Variants in NEGR1 observed in about 807,000 individuals in gnomAD.
NEGR1 encodes neuronal growth regulator 1.
Under a neutral mutation model 40.9 loss-of-function variants are expected in NEGR1, and 10 were observed. The observed-to-expected ratio is 0.24, with a 90% CI of 0.15 to 0.42. NEGR1 has a LOEUF of 0.42. NEGR1 is among the 10% of genes least tolerant of loss of function. NEGR1 has a pLI of 1.00. For missense variants in NEGR1, 352 were observed against 438.9 expected (o/e 0.80, Z 1.77); for synonymous variants, 185 against 166.8 (o/e 1.11, Z -0.84).
chr1:71,447,171 C>T (rs1346064347), intron 6 of NEGR1, among the ~76,000 whole-genome samples: 2 of 152,168 alleles, frequency 1.3e-5, no homozygotes, highest in South Asian at 2.1e-4. Flanking sequence ...CTCATAGGAG[C>T]GTGGAACCTA....
chr1:72,238,449 G>C (rs1654632610), intron 1 of NEGR1, among the ~76,000 whole-genome samples: 1 of 151,754 alleles, frequency 6.6e-6, no homozygotes, highest in Non-Finnish European at 1.5e-5. Context: ...CAATGTGTTA[G>C]GCTTATGACA....
intron 2 of NEGR1, among the ~76,000 whole-genome samples, chr1:71,831,601 T>G (rs553419875): frequency 6.6e-6 from 1 of 152,040 alleles, no homozygotes; most frequent in African/African-American, 2.4e-5. Flanking sequence ...CATTATTGTG[T>G]GTGAGACACA....
intron 6 of NEGR1, among the ~76,000 whole-genome samples, chr1:71,423,581 G>C (rs2101282803): frequency 6.6e-6 from 1 of 152,160 alleles, no homozygotes; most frequent in South Asian, 2.1e-4. Context: ...GAGATTAGAG[G>C]TCCTTTTCCA....
intron 4 of NEGR1, among the ~76,000 whole-genome samples, chr1:71,648,495 T>C (rs1376831907): frequency 6.6e-6 from 1 of 152,050 alleles, no homozygotes; most frequent in Non-Finnish European, 1.5e-5. Flanking sequence ...ATTACAACTC[T>C]GCCTCAAGAT....
At chr1:71,863,844 C>G (rs1352990399) in intron 2 of NEGR1, among the ~76,000 whole-genome samples, 1 of 152,020 alleles carries the variant, frequency 6.6e-6, no homozygotes, top group East Asian at 1.9e-4. Context: ...AGAGGACTGT[C>G]CCTTATTAAT....
At chr1:71,812,751 T>C (rs1369455073) in intron 2 of NEGR1, among the ~76,000 whole-genome samples, 1 of 152,116 alleles carries the variant, frequency 6.6e-6, no homozygotes, top group African/African-American at 2.4e-5. Context: ...GTTGTGTTTT[T>C]ATTGTGTTTT....
intron 6 of NEGR1, among the ~76,000 whole-genome samples, chr1:71,467,499 A>G (rs1483645615): frequency 2.6e-5 from 4 of 152,078 alleles, no homozygotes; most frequent in East Asian, 1.9e-4. Context: ...GAGGTTTTTA[A>G]TATGAGAGGA....
chr1:71,726,592 G>A (rs1046197228), intron 3 of NEGR1, among the ~76,000 whole-genome samples: 2 of 152,048 alleles, frequency 1.3e-5, no homozygotes, highest in African/African-American at 4.8e-5. Context: ...TGATTGTAAA[G>A]ATAGATCCCA....
At chr1:71,857,144 A>G (rs1489122380) in intron 2 of NEGR1, among the ~76,000 whole-genome samples, 2 of 152,050 alleles carry the variant, frequency 1.3e-5, no homozygotes, top group Non-Finnish European at 2.9e-5. Flanking sequence ...CTTCTGAGAG[A>G]CTGTAAAAGT....
chr1:72,239,892 T>A (rs1389341939), intron 1 of NEGR1, among the ~76,000 whole-genome samples: 1 of 151,844 alleles, frequency 6.6e-6, no homozygotes, highest in South Asian at 2.1e-4. Context: ...GATTTTAATA[T>A]GAGAAATATT....
At chr1:72,021,216 A>C (rs1021907475) in intron 1 of NEGR1, among the ~76,000 whole-genome samples, 1 of 152,188 alleles carries the variant, frequency 6.6e-6, no homozygotes, top group Admixed American at 6.5e-5. Context: ...AGTTAAGAGA[A>C]AAAAGAACTG....
At chr1:71,507,644 C>G (rs915617019) in intron 6 of NEGR1, among the ~76,000 whole-genome samples, 22 of 152,172 alleles carry the variant, frequency 1.4e-4, no homozygotes, top group African/African-American at 5.1e-4. Flanking sequence ...ACTTACTTCC[C>G]CCTTCCAACA....
chr1:72,154,503 C>A (rs1290909195), intron 1 of NEGR1, among the ~76,000 whole-genome samples: 1 of 151,862 alleles, frequency 6.6e-6, no homozygotes, highest in Non-Finnish European at 1.5e-5. Context: ...TAAAAAAATC[C>A]TTTGAATGAG....
intron 1 of NEGR1, among the ~76,000 whole-genome samples, chr1:72,277,398 C>G (rs1047250792): frequency 5.9e-5 from 9 of 152,110 alleles, no homozygotes; most frequent in African/African-American, 2.2e-4. Flanking sequence ...CAAAGTCTAT[C>G]TATTTAAAAC....
intron 2 of NEGR1, among the ~76,000 whole-genome samples, chr1:71,902,380 G>C (rs181846685): frequency 6.6e-6 from 1 of 152,296 alleles, no homozygotes; most frequent in East Asian, 1.9e-4. Context: ...TTTAACAGAA[G>C]TTGAGGAATT....
intron 1 of NEGR1, among the ~76,000 whole-genome samples, chr1:71,941,023 C>A (rs1430107918): frequency 6.6e-6 from 1 of 151,946 alleles, no homozygotes; most frequent in Non-Finnish European, 1.5e-5. Flanking sequence ...TTAAAGGCAC[C>A]AATTAATAAA....
chr1:72,051,525 T>C (rs1647060931), intron 1 of NEGR1, among the ~76,000 whole-genome samples: 1 of 151,498 alleles, frequency 6.6e-6, no homozygotes, highest in Non-Finnish European at 1.5e-5. Context: ...ATTATTTTGT[T>C]GCATCGAAAA....
chr1:72,279,309 T>C (rs548009370), intron 1 of NEGR1, among the ~76,000 whole-genome samples: 1 of 152,250 alleles, frequency 6.6e-6, no homozygotes, highest in African/African-American at 2.4e-5. Flanking sequence ...GAGACAGAAA[T>C]GTATCATTTG....
rs557653180 is a variant in NEGR1 at position 71,470,343 on chromosome 1, T to C, written c.941-62773A>G. On this transcript the variant is annotated intron_variant, in intron 6 of 6. Transcript: ENST00000357731. ...TACTTTGTAGCTTAAGGAGTGGTCA[T>C]TGATAATATGCCTCTCGATGTTGAT... 3.9e-5 allele frequency among the ~76,000 whole-genome samples: 6 copies of C among 152,252 alleles called. No homozygotes were observed. The East Asian group carries it at 9.7e-4, about 25-fold the overall frequency.
Sources: allele counts gnomAD v4.1 joint callset (sites outside exome capture counted in the v4.1 genomes callset), GRCh38; gene constraint gnomAD v4.1.1; transcripts MANE v1.5; gene names NCBI Gene and HGNC (gene_info 2026-07-23, HGNC 2026-07-21).